The following VAV3 variants were observed in gnomAD, a reference collection of about 807,000 sequenced individuals.
VAV3 encodes the protein vav guanine nucleotide exchange factor 3.
Under a neutral mutation model 131.2 loss-of-function variants are expected in VAV3, and 94 were observed. The ratio of observed to expected loss-of-function variants is 0.72; its 90% CI spans 0.61 to 0.85. The LOEUF is 0.85. Ranked by LOEUF, VAV3 falls within the 40% of genes least tolerant of loss-of-function variation. The pLI is 0.00. For missense variants in VAV3, 939 were observed against 1,002.7 expected (o/e 0.94, Z 0.86); for synonymous variants, 349 against 342.0 (o/e 1.02, Z -0.22).
intron 1 of VAV3, among the ~76,000 whole-genome samples, chr1:107,890,979 T>C (rs1326628778): frequency 2.0e-5 from 3 of 151,940 alleles, no homozygotes; most frequent in Non-Finnish European, 4.4e-5. Flanking sequence ...TTGGTTTTTT[T>C]AATCTAACAC....
chr1:107,713,431 A>G (rs1660905253), intron 15 of VAV3, among the ~76,000 whole-genome samples: 1 of 152,122 alleles, frequency 6.6e-6, no homozygotes, highest in Non-Finnish European at 1.5e-5. Context: ...GTAAAAGATT[A>G]ATCTCCTTGC....
At chr1:107,608,433 A>G (rs1397752233) in intron 22 of VAV3, among the ~76,000 whole-genome samples, 3 of 152,224 alleles carry the variant, frequency 2.0e-5, no homozygotes, top group Non-Finnish European at 2.9e-5. Context: ...CAGTTTGATT[A>G]TCAATGCTAT....
At chr1:107,597,908 A>T (rs938077419) in intron 24 of VAV3, among the ~76,000 whole-genome samples, 1 of 152,222 alleles carries the variant, frequency 6.6e-6, no homozygotes, top group Non-Finnish European at 1.5e-5. Context: ...CTTTCACTCA[A>T]GAACATTATG....
At chr1:107,776,792 G>T (rs1314071120) in intron 4 of VAV3, among the ~76,000 whole-genome samples, 1 of 152,104 alleles carries the variant, frequency 6.6e-6, no homozygotes, top group Non-Finnish European at 1.5e-5. Flanking sequence ...TTAAATAATA[G>T]AGCCCAAAAA....
chr1:107,842,602 T>C (rs1668773093), intron 2 of VAV3, among the ~76,000 whole-genome samples: 1 of 152,236 alleles, frequency 6.6e-6, no homozygotes, highest in Admixed American at 6.5e-5. Context: ...CAGCAAAGGT[T>C]TGAGGCAAGG....
Position 107,602,400 on chromosome 1 carries a change from T to G in VAV3, c.2217A>C (p.Leu739Phe). The part of the protein sequence containing the change: ...HIAENRKFKS[L>F]MELVEYYKHH... ...AAAAGAAATAATCAATGCTTACCATTAAACTTTTAAATTTTCTATTTTCTG... is the reference window on the plus strand; with the variant it reads ...AAAAGAAATAATCAATGCTTACCATGAAACTTTTAAATTTTCTATTTTCTG... The change falls in exon 24 of 27, where the codon TTA (leucine) becomes TTC (phenylalanine). Residue 739 changes from leucine to phenylalanine, a missense_variant. By Grantham distance (22) the Leu-to-Phe change is conservative (BLOSUM62 0). Transcript: ENST00000370056. 6.4e-7 allele frequency: 1 copy of G among 1,556,722 alleles called. No homozygotes were observed. The highest frequency in any genetic ancestry group is 8.7e-7 in the Non-Finnish European group (1 of 1,153,592).
chr1:107,599,223 T>C (rs1454005747), intron 24 of VAV3, among the ~76,000 whole-genome samples: 1 of 152,204 alleles, frequency 6.6e-6, no homozygotes, highest in Non-Finnish European at 1.5e-5. Context: ...TTTACAGTCT[T>C]ACGAGGGTAA....
Position 107,902,070 on chromosome 1 carries a change from C to A in VAV3, c.205-27053G>T, listed in dbSNP as rs200871490. On this transcript the variant is annotated intron_variant, in intron 1 of 26. Transcript: ENST00000370056. Reference sequence around the variant, plus strand: ...AAAAAAAAAACAAAAAAAACAACAACAAAAACTGTTATTGTTTTGGCCTGC... The same window carrying A: ...AAAAAAAAAACAAAAAAAACAACAAAAAAAACTGTTATTGTTTTGGCCTGC... 4.1e-4 allele frequency among the ~76,000 whole-genome samples: 61 copies of A among 150,218 alleles called. No homozygotes were observed. The East Asian group carries it at 7.0e-3, about 17-fold the overall frequency.
intron 2 of VAV3, among the ~76,000 whole-genome samples, chr1:107,854,238 A>G (rs1263763022): frequency 1.3e-5 from 2 of 152,202 alleles, no homozygotes; most frequent in Non-Finnish European, 2.9e-5. Context: ...TGAACCTGGG[A>G]GGCAGAGGTT....
chr1:107,584,398 T>C (rs978112405), intron 25 of VAV3, among the ~76,000 whole-genome samples: 1 of 152,148 alleles, frequency 6.6e-6, no homozygotes, highest in Non-Finnish European at 1.5e-5. Context: ...AAAGCCAAAA[T>C]TGACAAATGG....
At chr1:107,839,719 G>A (rs1668611935) in intron 2 of VAV3, among the ~76,000 whole-genome samples, 1 of 151,942 alleles carries the variant, frequency 6.6e-6, no homozygotes, top group Non-Finnish European at 1.5e-5. Context: ...ACAATAGGAG[G>A]AACCAATAAA....
chr1:107,765,467 C>T (rs1367094871), intron 8 of VAV3, among the ~76,000 whole-genome samples: 1 of 152,144 alleles, frequency 6.6e-6, no homozygotes, highest in Admixed American at 6.5e-5. Flanking sequence ...TTTGAGTAGA[C>T]ATAAATGCAT....
intron 2 of VAV3, among the ~76,000 whole-genome samples, chr1:107,870,190 T>C (rs980055786): frequency 1.3e-5 from 2 of 152,180 alleles, no homozygotes; most frequent in African/African-American, 4.8e-5. Flanking sequence ...GTTCTACATT[T>C]AGTTCTTTAA....
chr1:107,722,488 A>T (rs2494042), intron 15 of VAV3, among the ~76,000 whole-genome samples: 140,477 of 152,266 alleles, frequency 0.92, 64,913 homozygotes, highest in East Asian at 1. Context: ...TGTGCCAGTG[A>T]GTCTCAAGAA....
intron 2 of VAV3, among the ~76,000 whole-genome samples, chr1:107,786,269 C>T (rs993719825): frequency 6.6e-6 from 1 of 152,066 alleles, no homozygotes; most frequent in African/African-American, 2.4e-5. Flanking sequence ...TCTATACTTA[C>T]TATTTTTTGA....
At chr1:107,763,159 C>G (rs1403159312) in intron 9 of VAV3, among the ~76,000 whole-genome samples, 2 of 152,214 alleles carry the variant, frequency 1.3e-5, no homozygotes, top group Non-Finnish European at 2.9e-5. Flanking sequence ...AAGTGTTACA[C>G]TAAGTATCCG....
intron 20 of VAV3, among the ~76,000 whole-genome samples, chr1:107,634,556 G>C (rs1481195117): frequency 1.3e-5 from 2 of 151,740 alleles, no homozygotes; most frequent in Admixed American, 6.6e-5. Context: ...CAGGACATAG[G>C]TATGGGCAAG....
chr1:107,634,945 G>A (rs966598574), intron 20 of VAV3, among the ~76,000 whole-genome samples: 9 of 150,048 alleles, frequency 6.0e-5, no homozygotes, highest in African/African-American at 1.7e-4. Context: ...AGTTAGAATG[G>A]CAATCATTAA....
At chr1:107,686,670 A>T (rs1241793956) in intron 18 of VAV3, among the ~76,000 whole-genome samples, 1 of 152,218 alleles carries the variant, frequency 6.6e-6, no homozygotes, top group Non-Finnish European at 1.5e-5. Context: ...CACACAGTAA[A>T]TAAAAATTAT....
Sources: gnomAD v4.1 joint callset for allele counts (sites outside exome capture counted in the v4.1 genomes callset) on GRCh38, gnomAD v4.1.1 for gene constraint, MANE v1.5 for transcripts, NCBI Gene and HGNC (gene_info 2026-07-23, HGNC 2026-07-21) for gene names.